SUGCT: variants seen among roughly 807,000 people sequenced by gnomAD.
The protein encoded by SUGCT is succinyl-CoA:glutarate-CoA transferase, also known as succinyl-CoA:glutarate CoA-transferase.
A neutral mutation model predicts 55.0 loss-of-function variants in SUGCT; 41 were observed. The observed-to-expected ratio is 0.74, with a 90% confidence interval of 0.58 to 0.97. The LOEUF is 0.97. Ranked by LOEUF, SUGCT falls within the 50% of genes least tolerant of loss-of-function variation. The pLI, the probability that SUGCT is intolerant of heterozygous loss-of-function variation, is 0.00. For synonymous variants in SUGCT, 187 were observed against 200.4 expected (o/e 0.93, Z 0.56); for missense variants, 568 against 547.8 (o/e 1.04, Z -0.37).
At chr7:40,327,808 AC>A (rs1323470297) in intron 9 of SUGCT, among the ~76,000 whole-genome samples, 1 of 152,236 alleles carries the variant, frequency 6.6e-6, no homozygotes, top group African/African-American at 2.4e-5. Flanking sequence ...TATCTTAATC[AC>A]TATAATAATT....
intron 12 of SUGCT, among the ~76,000 whole-genome samples, chr7:40,541,002 G>C (rs1439520884): frequency 6.6e-6 from 1 of 152,104 alleles, no homozygotes; most frequent in South Asian, 2.1e-4. Flanking sequence ...TGTTTCAGGT[G>C]CCATGGTAGG....
At chr7:40,185,525 G>A (rs1011983709) in intron 3 of SUGCT, among the ~76,000 whole-genome samples, 5 of 152,104 alleles carry the variant, frequency 3.3e-5, no homozygotes, top group Admixed American at 6.6e-5. Context: ...GGGATTTATT[G>A]TCTTCTTTTT....
At chr7:40,212,369 A>G (rs958341063) in intron 6 of SUGCT, among the ~76,000 whole-genome samples, 1 of 117,846 alleles carries the variant, frequency 8.5e-6, no homozygotes, top group Non-Finnish European at 1.9e-5. Context: ...GGCTGCAGTG[A>G]GCTATGATCA....
chr7:40,450,529 C>T (rs530249196), intron 10 of SUGCT, among the ~76,000 whole-genome samples: 1 of 151,854 alleles, frequency 6.6e-6, no homozygotes, highest in Admixed American at 6.6e-5. Context: ...AATCCCAGCA[C>T]TTTGAGAGGC....
chr7:40,695,698 A>AT (rs1361098755), intron 12 of SUGCT, among the ~76,000 whole-genome samples: 19 of 152,074 alleles, frequency 1.2e-4, no homozygotes, highest in Non-Finnish European at 2.4e-4. Flanking sequence ...TTAAGACAGA[A>AT]TTTTTTAGTG....
At chr7:40,914,264 AT>A in the SUGCT span, among the ~76,000 whole-genome samples, 2 of 136,306 alleles carry the variant, frequency 1.5e-5, no homozygotes, top group Non-Finnish European at 3.1e-5. Context: ...TTATTTATTT[AT>A]TTTTTTCTTT....
the SUGCT span, among the ~76,000 whole-genome samples, chr7:40,980,534 A>G: frequency 7.2e-5 from 11 of 152,198 alleles, no homozygotes; most frequent in Non-Finnish European, 1.0e-4. Flanking sequence ...TCCCGAGGAA[A>G]AACTTCTCTC....
intron 6 of SUGCT, among the ~76,000 whole-genome samples, chr7:40,215,679 G>T (rs1031878413): frequency 1.3e-5 from 2 of 151,954 alleles, no homozygotes; most frequent in African/African-American, 2.4e-5. Flanking sequence ...TGGCTAACAC[G>T]GTGAAACCCC....
the SUGCT span, among the ~76,000 whole-genome samples, chr7:40,903,131 A>T: frequency 6.6e-6 from 1 of 151,394 alleles, no homozygotes; most frequent in South Asian, 2.1e-4. Flanking sequence ...TCCCGGGTTC[A>T]AGTGATTCTT....
chr7:40,934,327 G>T, the SUGCT span, among the ~76,000 whole-genome samples: 1 of 152,144 alleles, frequency 6.6e-6, no homozygotes, highest in Non-Finnish European at 1.5e-5. Context: ...TCCCAGAGGG[G>T]CACCTACCTG....
At chr7:40,721,440 T>G (rs1446020480) in intron 12 of SUGCT, among the ~76,000 whole-genome samples, 1 of 152,198 alleles carries the variant, frequency 6.6e-6, no homozygotes, top group African/African-American at 2.4e-5. Context: ...TAAGGAATGC[T>G]CTCAGAGGAT....
intron 6 of SUGCT, among the ~76,000 whole-genome samples, chr7:40,215,973 T>C (rs777043289): frequency 6.6e-6 from 1 of 152,194 alleles, no homozygotes; most frequent in Non-Finnish European, 1.5e-5. Flanking sequence ...GTTTCTCTAT[T>C]GGTAAGTAGA....
rs562537447 is a variant in SUGCT at position 40,752,238 on chromosome 7, T to C, written c.1153+2741T>C. On this transcript the variant is annotated intron_variant, in intron 13 of 13. Coordinates refer to ENST00000335693, the MANE Select transcript of SUGCT (RefSeq NM_001193313.2). Reference sequence around the variant, plus strand: ...AATCCGTGTGTCTCTCCTACTCTTCTGACGGTCATGGCTGCAGAACACTGG... The same window carrying C: ...AATCCGTGTGTCTCTCCTACTCTTCCGACGGTCATGGCTGCAGAACACTGG... 3.3e-5 allele frequency among the ~76,000 whole-genome samples: 5 copies of C among 152,328 alleles called. No individual in the cohort carries two copies. The East Asian group carries it at 9.7e-4, about 29-fold the overall frequency.
At chr7:40,262,495 CA>C (rs67739412) in intron 7 of SUGCT, among the ~76,000 whole-genome samples, 57,144 of 121,936 alleles carry the variant, frequency 0.47, 12,916 homozygotes, top group Non-Finnish European at 0.52. Context: ...ACCGAAAATA[CA>C]AAAAAAAAAA....
intron 12 of SUGCT, among the ~76,000 whole-genome samples, chr7:40,706,496 ACT>A (rs1170147615): frequency 2.0e-5 from 3 of 152,258 alleles, no homozygotes; most frequent in South Asian, 2.1e-4. Context: ...ACAGAGCGAG[ACT>A]CTGTCTCAAA....
At chr7:40,664,677 T>G (rs1276642398) in intron 12 of SUGCT, among the ~76,000 whole-genome samples, 1 of 152,200 alleles carries the variant, frequency 6.6e-6, no homozygotes, top group Non-Finnish European at 1.5e-5. Context: ...ATCTTTTAAA[T>G]TTAATTAAAA....
intron 12 of SUGCT, among the ~76,000 whole-genome samples, chr7:40,687,414 T>G (rs1784511997): frequency 6.6e-6 from 1 of 151,494 alleles, no homozygotes; most frequent in Non-Finnish European, 1.5e-5. Flanking sequence ...AGACTTTCAA[T>G]TTTACTCCAG....
chr7:40,204,202 A>G (rs1786802595), intron 6 of SUGCT, among the ~76,000 whole-genome samples: 1 of 151,870 alleles, frequency 6.6e-6, no homozygotes, highest in Non-Finnish European at 1.5e-5. Flanking sequence ...TGTTGCCCAG[A>G]CTAGTCTCAA....
intron 13 of SUGCT, among the ~76,000 whole-genome samples, chr7:40,811,197 G>A (rs1307065355): frequency 6.6e-6 from 1 of 152,122 alleles, no homozygotes; most frequent in East Asian, 1.9e-4. Flanking sequence ...GTCACGTAAT[G>A]TGATGCCTCC....
Sources: gnomAD v4.1 joint callset for allele counts (sites outside exome capture counted in the v4.1 genomes callset) on GRCh38, gnomAD v4.1.1 for gene constraint, MANE v1.5 for transcripts, NCBI Gene and HGNC (gene_info 2026-07-23, HGNC 2026-07-21) for gene names.